HERC3: variants seen among roughly 807,000 people sequenced by gnomAD.
The protein encoded by HERC3 is probable E3 ubiquitin-protein ligase HERC3.
HERC3 carries 58 observed loss-of-function variants against 129.9 expected under a neutral mutation model. That is an observed-to-expected ratio of 0.45 (90% CI 0.36 to 0.56). HERC3 has a LOEUF of 0.56. Ranked by LOEUF, HERC3 falls within the 20% of genes least tolerant of loss-of-function variation. The pLI is 0.00. For synonymous variants in HERC3, 430 were observed against 451.0 expected, an observed-to-expected ratio of 0.95 and a Z score of 0.59; for missense variants, 835 against 1,244.2, an observed-to-expected ratio of 0.67 and a Z score of 4.95.
At chr4:88,545,224 T>C in the HERC3 span, among the ~76,000 whole-genome samples, 4 of 152,032 alleles carry the variant, frequency 2.6e-5, no homozygotes, top group Admixed American at 6.6e-5. Flanking sequence ...AAACATCTCA[T>C]GTACCCCAGC....
At chr4:88,635,321 G>A (rs909788750) in intron 3 of HERC3, among the ~76,000 whole-genome samples, 2 of 152,026 alleles carry the variant, frequency 1.3e-5, no homozygotes, top group Non-Finnish European at 2.9e-5. Flanking sequence ...ACCTGATGAA[G>A]CTGAAAAATG....
chr4:88,706,944 G>T lies in HERC3; in HGVS notation c.3137G>T (p.Gly1046Val), dbSNP rs1277970870. The change falls in exon 26 of 26, where the codon GGG becomes GTG. Residue 1046 changes from glycine to valine, a missense_variant. By Grantham distance (109) the Gly-to-Val change is moderately radical. Transcript: ENST00000402738. The stretch of plus-strand genomic sequence containing the variant: ...ACCCAGGCCCTTGACAACTATGAAG[G>T]GTTTAGTTTGGCCTGAGGCTTCTCA... ...RLTQALDNYEGFSLA is the reference protein window; with the variant it reads ...RLTQALDNYEVFSLA The T allele has an allele frequency of 1.2e-6, 2 of 1,614,022 alleles. No individual in the cohort carries two copies. The highest frequency in any genetic ancestry group is 3.3e-5 in the Admixed American group (2 of 60,010).
rs1184570429 is a variant in HERC3, at chr4:88,690,027, A to G, written c.2657+2728A>G. On this transcript the variant is annotated intron_variant, in intron 23 of 25. Transcript: ENST00000402738. Reference sequence around the variant, plus strand: ...AGCTATAGTATCAGAGTTGAGTGAAATGATGCAGAAGCCACCCAGACACCC... The same window carrying G: ...AGCTATAGTATCAGAGTTGAGTGAAGTGATGCAGAAGCCACCCAGACACCC... 3.0e-5 allele frequency: 30 copies of G among 985,270 alleles called. No individual in the cohort carries two copies. The Admixed American group carries it at 1.4e-3, about 46-fold the overall frequency. The allele number at this position is 985,270 out of a possible 1,614,324, so 61.0% of individuals were successfully genotyped here. A position where few individuals can be genotyped will look rare whatever the true frequency, so the allele number is the denominator to read the frequency against.
rs377130798 is a variant in HERC3, at chr4:88,629,499, A to C, written c.227-20341A>C. Among the ~76,000 whole-genome samples, 4 of 152,310 alleles carry C rather than the reference A, an allele frequency of 2.6e-5. No individual in the cohort carries two copies. The South Asian group carries it at 6.2e-4, about 24-fold the overall frequency. On this transcript the variant is annotated intron_variant, in intron 3 of 25. Coordinates refer to ENST00000402738, the MANE Select transcript of HERC3 (RefSeq NM_014606.3). Reference sequence around the variant, plus strand: ...ATTTCATTTTATAGGATATAATCCTAGTTTCTAATTTTTTTCCTGTTAATG... The same window carrying C: ...ATTTCATTTTATAGGATATAATCCTCGTTTCTAATTTTTTTCCTGTTAATG...
chr4:88,578,216 T>C, the HERC3 span, among the ~76,000 whole-genome samples: 2 of 152,218 alleles, frequency 1.3e-5, no homozygotes, highest in Non-Finnish European at 2.9e-5. Context: ...ATCATAATTA[T>C]CATCACCACA....
In HERC3 at chr4:88,617,763, C is replaced by CG. The variant is rs199519549; in HGVS notation, c.226+11717dup. 8.9e-3 allele frequency among the ~76,000 whole-genome samples: 1,355 copies of CG among 151,912 alleles called. 19 individuals carry two copies. Among genetic ancestry groups the CG allele is most frequent in the African/African-American group, 0.03 (1,263 of 41,414 alleles). On this transcript the variant is annotated intron_variant, in intron 3 of 25. Transcript: ENST00000402738. ...GTGGGCACCTGTATTCCCAGCTACT[C>CG]GGGAGGCTGAGGCAGGAGAATGACG...
chr4:88,672,024 A>G (rs1731668599), intron 16 of HERC3, among the ~76,000 whole-genome samples: 1 of 152,198 alleles, frequency 6.6e-6, no homozygotes, highest in South Asian at 2.1e-4. Context: ...AGCCTGATGA[A>G]TTATTTAGTC....
chr4:88,578,085 A>T, the HERC3 span, among the ~76,000 whole-genome samples: 1 of 152,224 alleles, frequency 6.6e-6, no homozygotes, highest in Non-Finnish European at 1.5e-5. Flanking sequence ...TACACAGTTA[A>T]CAGGAGTGTA....
chr4:88,573,077 G>A, the HERC3 span, among the ~76,000 whole-genome samples: 2 of 152,182 alleles, frequency 1.3e-5, no homozygotes, highest in Admixed American at 1.3e-4. Context: ...CATTTGTTAA[G>A]TGTTGCACTT....
chr4:88,586,212 T>C, the HERC3 span, among the ~76,000 whole-genome samples: 1 of 152,252 alleles, frequency 6.6e-6, no homozygotes, highest in Non-Finnish European at 1.5e-5. Flanking sequence ...AATGACAGCA[T>C]ATCCGTTTTG....
At chr4:88,690,327 T>G (rs751359071) in intron 23 of HERC3, 1 of 985,230 alleles carries the variant, frequency 1.0e-6, no homozygotes, top group African/African-American at 1.7e-5. Context: ...TAAAGCAGAT[T>G]TGTTAGCCCA....
At chr4:88,673,864 C>G (rs1457297786) in intron 16 of HERC3, among the ~76,000 whole-genome samples, 1 of 152,174 alleles carries the variant, frequency 6.6e-6, no homozygotes, top group Non-Finnish European at 1.5e-5. Flanking sequence ...GAATATCGCT[C>G]CATCCTTTGC....
At chr4:88,584,876 G>A in the HERC3 span, among the ~76,000 whole-genome samples, 3 of 152,202 alleles carry the variant, frequency 2.0e-5, no homozygotes, top group Non-Finnish European at 4.4e-5. Context: ...TAATTCAAGA[G>A]GGATCTGGGT....
intron 3 of HERC3, among the ~76,000 whole-genome samples, chr4:88,630,263 T>C (rs1421836287): frequency 6.6e-6 from 1 of 152,246 alleles, no homozygotes; most frequent in Non-Finnish European, 1.5e-5. Flanking sequence ...TTGAAATGTC[T>C]GTGAGCTTCC....
Position 88,680,094 on chromosome 4 carries a change from T to C in HERC3, c.2198T>C (p.Val733Ala), listed in dbSNP as rs1560755223. The part of the protein sequence containing the change: ...SDIDLKKPLK[V>A]IFDGEEAVDA... ...TTAATTCTATTCTATTATTTTAAGG[T>C]AATCTTTGATGGTGAAGAAGCAGTG... Residue 733 changes from valine to alanine, a missense_variant and splice_region_variant, in exon 20 of 26, where the codon GTA (valine) becomes GCA (alanine). Physicochemically the swap from Val to Ala is moderately conservative, Grantham distance 64. Coordinates refer to ENST00000402738, the MANE Select transcript of HERC3 (RefSeq NM_014606.3). 3 of 1,608,526 alleles carry C rather than the reference T, an allele frequency of 1.9e-6. No individual in the cohort carries two copies. The highest frequency in any genetic ancestry group is 2.5e-6 in the Non-Finnish European group (3 of 1,178,182).
intron 16 of HERC3, among the ~76,000 whole-genome samples, chr4:88,671,374 G>C (rs900149397): frequency 3.9e-5 from 6 of 152,042 alleles, no homozygotes; most frequent in Non-Finnish European, 7.4e-5. Flanking sequence ...CATTTAAATA[G>C]GCTGATCTAA....
the HERC3 span, among the ~76,000 whole-genome samples, chr4:88,558,542 G>C: frequency 6.6e-6 from 1 of 152,090 alleles, no homozygotes; most frequent in African/African-American, 2.4e-5. Flanking sequence ...ACTACATACT[G>C]GGTACAGTGT....
At chr4:88,668,840 C>T (rs1731314813) in intron 14 of HERC3, among the ~76,000 whole-genome samples, 1 of 152,064 alleles carries the variant, frequency 6.6e-6, no homozygotes. Context: ...TTCTATATTG[C>T]CTCCACCTTT....
At chr4:88,663,328 GA>G (rs1005524180) in intron 11 of HERC3, among the ~76,000 whole-genome samples, 8 of 152,288 alleles carry the variant, frequency 5.3e-5, no homozygotes, top group Admixed American at 5.2e-4. Flanking sequence ...GCAGTCTTCA[GA>G]ATCCCTCTAA....
Sources: allele counts gnomAD v4.1 joint callset (sites outside exome capture counted in the v4.1 genomes callset), GRCh38; gene constraint gnomAD v4.1.1; transcripts MANE v1.5; gene names NCBI Gene and HGNC (gene_info 2026-07-23, HGNC 2026-07-21).